Variants in PTPRD observed in about 807,000 individuals in gnomAD.
The protein encoded by PTPRD is receptor-type tyrosine-protein phosphatase delta.
In PTPRD, 34 loss-of-function variants were observed where a neutral mutation model predicts 214.5. That is an observed-to-expected ratio of 0.16 (90% confidence interval 0.12 to 0.21). The LOEUF is 0.21. Ranked by LOEUF, PTPRD falls within the 10% of genes least tolerant of loss-of-function variation. The probability of loss-of-function intolerance (pLI) is 1.00; values close to 1 mark genes in which losing one functional copy is unlikely to be tolerated. For synonymous variants in PTPRD, 1,128 were observed against 845.7 expected (o/e 1.33, Z -5.79); for missense variants, 2,545 against 2,398.7 (o/e 1.06, Z -1.27).
chr9:9,906,956 G>T (rs1016578427), intron 5 of PTPRD, among the ~76,000 whole-genome samples: 1 of 151,854 alleles, frequency 6.6e-6, no homozygotes, highest in African/African-American at 2.4e-5. Flanking sequence ...ACTGACAAAA[G>T]TGAAAAAGCA....
chr9:8,485,644 T>C, intron 28 of PTPRD, 118 bp downstream of exon 28: 1 of 924,206 alleles, frequency 1.1e-6, no homozygotes. Context: ...TTTACCTTTT[T>C]GTTTTTGCTG....
intron 8 of PTPRD, among the ~76,000 whole-genome samples, chr9:9,464,413 T>C (rs984891737): frequency 6.6e-6 from 1 of 152,216 alleles, no homozygotes; most frequent in Non-Finnish European, 1.5e-5. Context: ...GTTACTATCA[T>C]TGCATTTTAA....
At chr9:9,776,601 T>A (rs920733752) in intron 5 of PTPRD, among the ~76,000 whole-genome samples, 11 of 152,122 alleles carry the variant, frequency 7.2e-5, no homozygotes, top group South Asian at 4.1e-4. Context: ...ATGTGTTGAA[T>A]CCAAAATACG....
At chr9:9,957,520 AT>A (rs2094026094) in intron 4 of PTPRD, among the ~76,000 whole-genome samples, 1 of 152,190 alleles carries the variant, frequency 6.6e-6, no homozygotes, top group African/African-American at 2.4e-5. Flanking sequence ...TGAAATTAAA[AT>A]TCAAAGGAAA....
chr9:8,824,603 T>TAAAGC (rs2097139908), intron 11 of PTPRD, among the ~76,000 whole-genome samples: 2 of 152,070 alleles, frequency 1.3e-5, no homozygotes, highest in South Asian at 4.2e-4. Context: ...GCAAAATAAG[T>TAAAGC]TATTTTAAGT....
At chr9:9,918,021 C>T (rs1339027578) in intron 5 of PTPRD, among the ~76,000 whole-genome samples, 1 of 151,900 alleles carries the variant, frequency 6.6e-6, no homozygotes, top group Non-Finnish European at 1.5e-5. Context: ...CAACTCTCAC[C>T]TGTCTTATTA....
chr9:9,463,977 C>T (rs1425928688), intron 8 of PTPRD, among the ~76,000 whole-genome samples: 1 of 152,186 alleles, frequency 6.6e-6, no homozygotes, highest in Non-Finnish European at 1.5e-5. Flanking sequence ...CAGCTACCTG[C>T]TTCTTGTTAA....
intron 14 of PTPRD, among the ~76,000 whole-genome samples, chr9:8,548,516 C>T (rs952697335): frequency 6.6e-6 from 1 of 151,650 alleles, no homozygotes; most frequent in Non-Finnish European, 1.5e-5. Flanking sequence ...TACAGGCACG[C>T]ACCACCAAAC....
chr9:9,711,866 G>C (rs1003769310), intron 7 of PTPRD, among the ~76,000 whole-genome samples: 1 of 152,154 alleles, frequency 6.6e-6, no homozygotes, highest in African/African-American at 2.4e-5. Context: ...GCCTGATTCA[G>C]AGTCATGGCA....
rs147664583 is a variant in PTPRD, at chr9:9,838,577, G to C, written c.-367-71726C>G. On this transcript the variant is annotated intron_variant, in intron 5 of 45. Transcript: ENST00000381196. ...CTGCATAAATGTCTTCTTTTGAGAA[G>C]TGTCTGTTCATGTCCTTCACCCACT... is the stretch of plus-strand genomic sequence containing the variant. Among the ~76,000 whole-genome samples the C allele has an allele frequency of 6.1e-3, 933 of 152,270 alleles. 21 individuals are homozygous for C. Among genetic ancestry groups the C allele is most frequent in the East Asian group, 0.053 (277 of 5,178 alleles).
chr9:9,866,496 G>C (rs2063982956), intron 5 of PTPRD, among the ~76,000 whole-genome samples: 1 of 151,948 alleles, frequency 6.6e-6, no homozygotes, highest in Admixed American at 6.6e-5. Flanking sequence ...GAATTTTAGA[G>C]GCTCTTTTGG....
intron 3 of PTPRD, among the ~76,000 whole-genome samples, chr9:10,310,205 A>G (rs1236325993): frequency 6.6e-6 from 1 of 152,096 alleles, no homozygotes; most frequent in African/African-American, 2.4e-5. Context: ...TCAGGGACAA[A>G]CTGAAGATTC....
intron 9 of PTPRD, among the ~76,000 whole-genome samples, chr9:9,381,224 G>A (rs528417252): frequency 2.1e-4 from 32 of 151,826 alleles, no homozygotes; most frequent in Middle Eastern, 6.8e-3. Flanking sequence ...TATTAAATTT[G>A]TTACTATTTT....
intron 14 of PTPRD, among the ~76,000 whole-genome samples, chr9:8,611,601 G>A (rs1169062617): frequency 2.0e-5 from 3 of 151,862 alleles, no homozygotes; most frequent in Non-Finnish European, 4.4e-5. Context: ...GCTACTGGCA[G>A]GGGTCAGGTG....
intron 11 of PTPRD, among the ~76,000 whole-genome samples, chr9:8,775,514 G>C (rs1167284677): frequency 6.6e-6 from 1 of 152,114 alleles, no homozygotes; most frequent in African/African-American, 2.4e-5. Flanking sequence ...TAATGCTTTG[G>C]ATTGGGAGCA....
chr9:9,655,933 G>A (rs2096500778), intron 7 of PTPRD, among the ~76,000 whole-genome samples: 3 of 152,126 alleles, frequency 2.0e-5, no homozygotes, highest in Admixed American at 2.0e-4. Flanking sequence ...AACCGAGATT[G>A]CACCATCGCT....
chr9:9,885,557 A>T (rs778307797), intron 5 of PTPRD, among the ~76,000 whole-genome samples: 1 of 151,996 alleles, frequency 6.6e-6, no homozygotes, highest in Non-Finnish European at 1.5e-5. Context: ...GGATTTTGAG[A>T]TGGGGGGACT....
chr9:10,302,878 C>T (rs1225238610), intron 3 of PTPRD, among the ~76,000 whole-genome samples: 1 of 152,172 alleles, frequency 6.6e-6, no homozygotes, highest in Non-Finnish European at 1.5e-5. Flanking sequence ...CAAGGATATT[C>T]AAGACTTAAA....
At chr9:8,951,534 G>C (rs191904798) in intron 11 of PTPRD, among the ~76,000 whole-genome samples, 1 of 151,862 alleles carries the variant, frequency 6.6e-6, no homozygotes, top group Non-Finnish European at 1.5e-5. Flanking sequence ...CCTAGTAGCT[G>C]TTTTACGTTC....
Sources: allele counts gnomAD v4.1 joint callset (sites outside exome capture counted in the v4.1 genomes callset), GRCh38; gene constraint gnomAD v4.1.1; transcripts MANE v1.5; gene names NCBI Gene and HGNC (gene_info 2026-07-23, HGNC 2026-07-21).